PRKAR1A: variants seen among roughly 807,000 people sequenced by gnomAD.
PRKAR1A encodes the protein cAMP-dependent protein kinase type I-alpha regulatory subunit.
A neutral mutation model predicts 52.0 loss-of-function variants in PRKAR1A; 3 were observed. The observed-to-expected ratio is 0.06, with a 90% CI of 0.03 to 0.15. The LOEUF is 0.15. Ranked by LOEUF, PRKAR1A falls within the 10% of genes least tolerant of loss-of-function variation. The pLI is 1.00. For missense variants in PRKAR1A, 240 were observed against 477.4 expected, an observed-to-expected ratio of 0.50 and a Z score of 4.63; for synonymous variants, 188 against 168.4, an observed-to-expected ratio of 1.12 and a Z score of -0.90.
the PRKAR1A span, chr17:68,433,392 T>G: frequency 7.8e-7 from 1 of 1,277,450 alleles, no homozygotes; most frequent in East Asian, 2.3e-5. Context: ...AGAAAAGAGA[T>G]CATTCATGCC....
chr17:68,545,729 A>T (rs1417229646), intron 11 of PRKAR1A, among the ~76,000 whole-genome samples: 1 of 152,252 alleles, frequency 6.6e-6, no homozygotes, highest in Non-Finnish European at 1.5e-5. Flanking sequence ...AATTGAAGTC[A>T]GTCCTCTCAA....
At chr17:68,518,987 C>G (rs1328862293) in intron 2 of PRKAR1A, among the ~76,000 whole-genome samples, 3 of 152,172 alleles carry the variant, frequency 2.0e-5, no homozygotes, top group Non-Finnish European at 2.9e-5. Context: ...TCTCAAGTTC[C>G]TCATCTCCAT....
the PRKAR1A span, among the ~76,000 whole-genome samples, chr17:68,443,142 G>A: frequency 1.3e-5 from 2 of 151,786 alleles, no homozygotes; most frequent in African/African-American, 2.4e-5. Context: ...ACAGAGTCTC[G>A]ATCTGTTGCC....
the PRKAR1A span, among the ~76,000 whole-genome samples, chr17:68,444,248 T>G: frequency 1.3e-5 from 2 of 152,212 alleles, no homozygotes; most frequent in African/African-American, 4.8e-5. Context: ...TTTGCTGATA[T>G]GGGTCCCAGA....
chr17:68,470,426 A>G, the PRKAR1A span, among the ~76,000 whole-genome samples: 1 of 152,248 alleles, frequency 6.6e-6, no homozygotes, highest in Non-Finnish European at 1.5e-5. Flanking sequence ...AGATGCCCCA[A>G]GAGAGTCTTG....
chr17:68,510,848 C>T (rs1600450829), upstream of PRKAR1A, among the ~76,000 whole-genome samples: 1 of 152,126 alleles, frequency 6.6e-6, no homozygotes, highest in Admixed American at 6.5e-5. Context: ...AATAACATAA[C>T]TAAATAAATC....
intron 11 of PRKAR1A, among the ~76,000 whole-genome samples, chr17:68,540,375 G>A (rs1365782121): frequency 1.3e-5 from 2 of 152,210 alleles, no homozygotes; most frequent in African/African-American, 4.8e-5. Flanking sequence ...TGATGAGCCA[G>A]CTGTCTGACT....
chr17:68,525,216 G>A (rs551852290), intron 6 of PRKAR1A, among the ~76,000 whole-genome samples: 1 of 151,850 alleles, frequency 6.6e-6, no homozygotes, highest in South Asian at 2.1e-4. Context: ...CAGCACTTTG[G>A]GAGATGGAGG....
chr17:68,548,925 G>T (rs1197325122), intron 11 of PRKAR1A, among the ~76,000 whole-genome samples: 12 of 151,478 alleles, frequency 7.9e-5, no homozygotes, highest in Non-Finnish European at 8.8e-5. Context: ...GTAGAGACGG[G>T]GTTTCACCGT....
chr17:68,421,619 G>A, the PRKAR1A span: 2 of 1,017,810 alleles, frequency 2.0e-6, no homozygotes, highest in Non-Finnish European at 3.0e-6. Flanking sequence ...GCTTGGTGAG[G>A]AGTTAACCAG....
At chr17:68,449,007 T>C in the PRKAR1A span, among the ~76,000 whole-genome samples, 1 of 152,226 alleles carries the variant, frequency 6.6e-6, no homozygotes, top group South Asian at 2.1e-4. Flanking sequence ...TGGATTTTCA[T>C]TTGAAAGAGT....
At chr17:68,419,571 C>T in the PRKAR1A span, among the ~76,000 whole-genome samples, 1 of 151,932 alleles carries the variant, frequency 6.6e-6, no homozygotes, top group Admixed American at 6.6e-5. Context: ...AGCGAGACTC[C>T]AACTTGAAAA....
chr17:68,473,878 C>T, the PRKAR1A span, among the ~76,000 whole-genome samples: 207 of 152,218 alleles, frequency 1.4e-3, 1 homozygote, highest in Middle Eastern at 6.8e-3. Context: ...AAACTGGAAA[C>T]GGTGATTTCC....
chr17:68,509,792 T>C (rs955827120), upstream of PRKAR1A, among the ~76,000 whole-genome samples: 2 of 152,168 alleles, frequency 1.3e-5, no homozygotes, highest in African/African-American at 2.4e-5. Flanking sequence ...CATTTCCCTT[T>C]ATGTCTCCTA....
intron 11 of PRKAR1A, chr17:68,540,798 A>G: frequency 6.4e-7 from 1 of 1,556,488 alleles, no homozygotes. Context: ...GGGGAACCCT[A>G]GCCACATAGC....
the PRKAR1A span, among the ~76,000 whole-genome samples, chr17:68,424,707 C>T: frequency 6.6e-6 from 1 of 152,148 alleles, no homozygotes; most frequent in Non-Finnish European, 1.5e-5. Context: ...GAAACCCCGT[C>T]TCTACTAAAA....
chr17:68,525,849 C>G lies in PRKAR1A; in HGVS notation c.645C>G (p.Val215=). ...LIYGTPRAAT[V]KAKTNVKLWG... ...ATGGAACACCGAGAGCAGCCACTGT[C>G]AAAGCAAAGACAAATGTGAAATTGT... The change falls in exon 7 of 11, where the codon GTC becomes GTG. Residue 215 remains valine, a synonymous_variant. Transcript: ENST00000589228. 1.2e-6 allele frequency: 2 copies of G among 1,613,644 alleles called. No individual in the cohort carries two copies. Among genetic ancestry groups the G allele is most frequent in the African/African-American group, 1.3e-5 (1 of 74,860 alleles).
At chr17:68,489,243 AT>A in the PRKAR1A span, among the ~76,000 whole-genome samples, 1 of 41,552 alleles carries the variant, frequency 2.4e-5, no homozygotes, top group Non-Finnish European at 4.0e-5. Flanking sequence ...AAGTATATAT[AT>A]ATATATATAT....
the PRKAR1A span, among the ~76,000 whole-genome samples, chr17:68,417,024 T>A: frequency 6.6e-6 from 1 of 152,204 alleles, no homozygotes; most frequent in South Asian, 2.1e-4. Flanking sequence ...CTAGTGTGAT[T>A]TTTTGGGGAG....
Sources: gnomAD v4.1 joint callset for allele counts (sites outside exome capture counted in the v4.1 genomes callset) on GRCh38, gnomAD v4.1.1 for gene constraint, MANE v1.5 for transcripts, NCBI Gene and HGNC (gene_info 2026-07-23, HGNC 2026-07-21) for gene names.